The following NIPBL variants were observed in gnomAD, a reference collection of about 807,000 sequenced individuals.
NIPBL encodes nipped-B-like protein.
NIPBL carries 19 observed loss-of-function variants against 321.8 expected under a neutral mutation model. That is an observed-to-expected ratio of 0.06 (90% CI 0.04 to 0.09). The LOEUF is 0.09. NIPBL is among the 10% of genes least tolerant of loss of function. NIPBL has a pLI of 1.00. For synonymous variants in NIPBL, 1,106 were observed against 1,114.1 expected (o/e 0.99, Z 0.14); for missense variants, 2,210 against 3,327.0 (o/e 0.66, Z 8.26).
intron 1 of NIPBL, among the ~76,000 whole-genome samples, chr5:36,952,041 TGTGTGTGTGTGTGCGCGC>T (rs919141396): frequency 1.8e-5 from 2 of 113,514 alleles, no homozygotes; most frequent in African/African-American, 2.9e-5. Context: ...TGTGTGTGTG[TGTGTGTGTGTGTGCGCGC>T]GCGCGCGCGC....
intron 33 of NIPBL, 111 bp from the exon 34 acceptor site, chr5:37,038,491 C>T: frequency 1.2e-6 from 1 of 838,314 alleles, no homozygotes; most frequent in Non-Finnish European, 1.9e-6. Flanking sequence ...TATATTGAGG[C>T]CTATACTGGA....
At chr5:37,056,520 C>G (rs1754107897) in intron 42 of NIPBL, among the ~76,000 whole-genome samples, 1 of 152,086 alleles carries the variant, frequency 6.6e-6, no homozygotes, top group Admixed American at 6.6e-5. Flanking sequence ...TAAATTTTGC[C>G]TGCCTCACAG....
chr5:37,008,176 G>A, intron 19 of NIPBL, 88 bp downstream of exon 19: 6 of 846,914 alleles, frequency 7.1e-6, no homozygotes, highest in Non-Finnish European at 1.0e-5. Flanking sequence ...AAATAATGAA[G>A]ATACCTGGTT....
At chr5:37,019,809 A>G (rs148141955) in intron 25 of NIPBL, among the ~76,000 whole-genome samples, 52 of 152,358 alleles carry the variant, frequency 3.4e-4, no homozygotes, top group African/African-American at 1.2e-3. Flanking sequence ...ATGTTACACA[A>G]TGTAACCAAA....
chr5:37,017,205 T>A, intron 24 of NIPBL, 43 bp downstream of exon 24: 1 of 1,536,174 alleles, frequency 6.5e-7, no homozygotes, highest in Non-Finnish European at 9.0e-7. Context: ...GAATAATAGT[T>A]ATTTTCTTTG....
At chr5:37,006,696 A>T in intron 17 of NIPBL, 108 bp downstream of exon 17, 2 of 666,194 alleles carry the variant, frequency 3.0e-6, no homozygotes, top group Admixed American at 4.8e-5. Context: ...CTTGTAATAA[A>T]CACTGATTTT....
intron 6 of NIPBL, among the ~76,000 whole-genome samples, chr5:36,965,672 A>T (rs930035423): frequency 6.6e-6 from 1 of 152,132 alleles, no homozygotes; most frequent in Non-Finnish European, 1.5e-5. Context: ...AGATAATTTG[A>T]ATGTTTTTAC....
At chr5:36,998,004 G>A (rs1746341193) in intron 11 of NIPBL, among the ~76,000 whole-genome samples, 2 of 152,112 alleles carry the variant, frequency 1.3e-5, no homozygotes, top group Non-Finnish European at 2.9e-5. Flanking sequence ...GAAAGTTGGG[G>A]TACACAGATT....
intron 1 of NIPBL, among the ~76,000 whole-genome samples, chr5:36,934,291 G>A (rs967337275): frequency 7.9e-5 from 12 of 152,108 alleles, no homozygotes; most frequent in African/African-American, 2.9e-4. Flanking sequence ...ACAAGATTCT[G>A]TACCTAAGGT....
chr5:36,960,170 G>A (rs534016955), intron 4 of NIPBL, among the ~76,000 whole-genome samples: 24 of 152,196 alleles, frequency 1.6e-4, no homozygotes, highest in East Asian at 5.8e-4. Context: ...GTAATAAAAT[G>A]CAAATCACTT....
At chr5:36,910,009 G>C (rs1213977991) in intron 1 of NIPBL, among the ~76,000 whole-genome samples, 1 of 152,012 alleles carries the variant, frequency 6.6e-6, no homozygotes, top group Non-Finnish European at 1.5e-5. Context: ...CTGGGAGGCA[G>C]AGGGTGCAGT....
At position 37,037,729 on chromosome 5, in the gene NIPBL, G is replaced by T. The variant is rs571558740; in HGVS notation, c.5972-873G>T. Among the ~76,000 whole-genome samples, 5 of 145,450 alleles carry T rather than the reference G, an allele frequency of 3.4e-5. No homozygotes were observed. The East Asian group carries it at 8.4e-4, about 24-fold the overall frequency. On this transcript the variant is annotated intron_variant, in intron 33 of 46. Transcript: ENST00000282516. ...CCTGGAATTTAGGGGTGATACTGAT[G>T]TCCCTTAATGTTAAAAAGTTGCTAA...
rs1371418208 is a variant in NIPBL, at chr5:36,957,979, G to A, written c.231-125G>A. ...GCCTGGGGGACAAGAGTGAGACTTC[G>A]TCTCAAAAAAAAAAAAAAAAAATTC... On this transcript the variant is annotated intron_variant, in intron 3 of 46. Coordinates refer to ENST00000282516, the MANE Select transcript of NIPBL (RefSeq NM_133433.4). 2.6e-5 allele frequency: 21 copies of A among 802,232 alleles called. 1 individual carries two copies. The highest frequency in any genetic ancestry group is 1.0e-4 in the African/African-American group (3 of 29,454). 49.7% of individuals were successfully genotyped at this position (802,232 alleles called of 1,614,324 possible).
At chr5:36,897,109 TCTC>T (rs1288070248) in intron 1 of NIPBL, among the ~76,000 whole-genome samples, 4 of 151,794 alleles carry the variant, frequency 2.6e-5, no homozygotes, top group Non-Finnish European at 5.9e-5. Flanking sequence ...TTCAGGCGAT[TCTC>T]CTGCCTCAGC....
chr5:37,040,216 A>G (rs1484340148), intron 34 of NIPBL, among the ~76,000 whole-genome samples: 1 of 152,166 alleles, frequency 6.6e-6, no homozygotes, highest in Non-Finnish European at 1.5e-5. Context: ...AAACAAAATC[A>G]CTTTTAAAAT....
chr5:37,032,406 TGTGTG>T (rs2149712388), intron 32 of NIPBL, among the ~76,000 whole-genome samples: 1 of 148,754 alleles, frequency 6.7e-6, no homozygotes, highest in Admixed American at 6.7e-5. Context: ...TGTGTGTGTG[TGTGTG>T]TGTGTGTGTG....
chr5:37,041,259 T>TG (rs1273358449), intron 34 of NIPBL, among the ~76,000 whole-genome samples: 11 of 121,220 alleles, frequency 9.1e-5, no homozygotes, highest in African/African-American at 3.8e-4. Flanking sequence ...GTGGTTTTTT[T>TG]TTTTTTTTTT....
At chr5:36,981,749 T>G in intron 9 of NIPBL, among the ~76,000 whole-genome samples, 1 of 151,716 alleles carries the variant, frequency 6.6e-6, no homozygotes, top group East Asian at 1.9e-4. Context: ...CTTTCCATGT[T>G]AGCAAGTATA....
intron 38 of NIPBL, 52 bp downstream of exon 38, chr5:37,046,251 A>T (rs1219591497): frequency 1.1e-6 from 1 of 933,258 alleles, no homozygotes; most frequent in Non-Finnish European, 1.8e-6. Flanking sequence ...GATAGAGCAT[A>T]TTTTTAAATA....
Sources: gnomAD v4.1 joint callset for allele counts (sites outside exome capture counted in the v4.1 genomes callset) on GRCh38, gnomAD v4.1.1 for gene constraint, MANE v1.5 for transcripts, NCBI Gene and HGNC (gene_info 2026-07-23, HGNC 2026-07-21) for gene names.